The following SIRPA variants were observed in gnomAD, a reference collection of about 807,000 sequenced individuals.
The protein encoded by SIRPA is tyrosine-protein phosphatase non-receptor type substrate 1.
SIRPA carries 9 observed loss-of-function variants against 50.3 expected under a neutral mutation model. The ratio of observed to expected loss-of-function variants is 0.18; its 90% CI spans 0.11 to 0.31. The LOEUF is 0.31. Ranked by LOEUF, SIRPA falls within the 10% of genes least tolerant of loss-of-function variation. The pLI is 1.00. For synonymous variants in SIRPA, 265 were observed against 284.1 expected (o/e 0.93, Z 0.68); for missense variants, 474 against 661.6 (o/e 0.72, Z 3.11).
rs1022608355 is a variant in SIRPA at position 1,936,184 on chromosome 20, C to G, written c.1267-1136C>G. Among the ~76,000 whole-genome samples the G allele has an allele frequency of 6.6e-6, 1 of 152,080 alleles. No homozygotes were observed. The highest frequency in any genetic ancestry group is 1.5e-5 in the Non-Finnish European group (1 of 68,020). ...CGGTTGGTGGTAGCTTTATTCTGTT[C>G]TATCACGCAGGGGCCAGTCACAGAG... is the stretch of plus-strand genomic sequence containing the variant. On this transcript the variant is annotated intron_variant, in intron 7 of 7. Transcript: ENST00000358771. This position sits in a 1 kb window ranked among gnomAD's most constrained non-coding sequence, Gnocchi z 4.2.
Position 1,928,790 on chromosome 20 carries a change from C to A in SIRPA, c.1226+891C>A, listed in dbSNP as rs1412144245. Among the ~76,000 whole-genome samples, 1 of 152,128 alleles carries A rather than the reference C, an allele frequency of 6.6e-6. No homozygotes were observed. The highest frequency in any genetic ancestry group is 1.9e-4 in the East Asian group (1 of 5,172). On this transcript the variant is annotated intron_variant, in intron 6 of 7. Coordinates refer to ENST00000358771, the MANE Select transcript of SIRPA (RefSeq NM_001040023.2). This position sits in a 1 kb window ranked among gnomAD's most constrained non-coding sequence, Gnocchi z 4.9. ...GGGAAGGAGAGGAAGAAGATAAGGT[C>A]AGGAAGACCCAGGTCCTCGGCATCC...
Position 1,915,286 on chromosome 20 carries a change from G to C in SIRPA, c.267G>C (p.Arg89=), listed in dbSNP as rs761970927. The C allele has an allele frequency of 3.1e-6, 5 of 1,613,412 alleles. No homozygotes were observed. The highest frequency in any genetic ancestry group is 3.4e-6 in the Non-Finnish European group (4 of 1,179,824). The change falls in exon 2 of 8, where the codon CGG becomes CGC. Residue 89 remains arginine, a synonymous_variant. Transcript: ENST00000358771. ...IYNQKEGHFP[R]VTTVSDLTKR... ...ATCAAAAAGAAGGCCACTTCCCCCGGGTAACAACTGTTTCAGACCTCACAA... is the reference window on the plus strand; with the variant it reads ...ATCAAAAAGAAGGCCACTTCCCCCGCGTAACAACTGTTTCAGACCTCACAA...
chr20:1,929,869 A>G (rs890995803), intron 6 of SIRPA, among the ~76,000 whole-genome samples: 59 of 152,132 alleles, frequency 3.9e-4, no homozygotes, highest in African/African-American at 1.3e-3. Flanking sequence ...CCCTCCAGAT[A>G]AAGTCCAGAT....
At chr20:1,918,360 C>CCTTTTTTTTTTTTTTTTTT (rs745958149) in intron 2 of SIRPA, among the ~76,000 whole-genome samples, 1 of 95,698 alleles carries the variant, frequency 1.0e-5, no homozygotes, top group Non-Finnish European at 2.0e-5. Flanking sequence ...ACCACACCAG[C>CCTTTTTTTTTTTTTTTTTT]TTTTTTTTTT....
rs1023934858 is a variant in SIRPA, at chr20:1,924,142, A to G, written c.1088-622A>G. ...GTCCAGGGTCACACAGCTACTTAGTAGCATAGATTTGAAAGCACTTTTCTG... is the reference window on the plus strand; with the variant it reads ...GTCCAGGGTCACACAGCTACTTAGTGGCATAGATTTGAAAGCACTTTTCTG... On this transcript the variant is annotated intron_variant, in intron 4 of 7. Transcript: ENST00000358771. The surrounding 1 kb of genome is among the most constrained non-coding windows in gnomAD (Gnocchi z 4.5). Among the ~76,000 whole-genome samples, 39 of 152,330 alleles carry G rather than the reference A, an allele frequency of 2.6e-4. No homozygotes were observed. Among genetic ancestry groups the G allele is most frequent in the African/African-American group, 9.4e-4 (39 of 41,566 alleles).
intron 1 of SIRPA, among the ~76,000 whole-genome samples, chr20:1,902,669 T>C (rs111983633): frequency 5.3e-5 from 8 of 152,160 alleles, no homozygotes; most frequent in South Asian, 4.1e-4. Flanking sequence ...GGGAGAAGGT[T>C]AGTCAGGACA....
Position 1,922,346 on chromosome 20 carries a change from T to G in SIRPA, c.788T>G (p.Val263Gly), listed in dbSNP as rs1237129974. Residue 263 changes from valine (V) to glycine (G), a missense_variant, in exon 4 of 8, where the codon GTG (valine) becomes GGG (glycine). Val to Gly is a moderately radical substitution (Grantham distance 109). This residue lies in a region of SIRPA where 221 missense variants were observed against 359.9 expected (regional missense o/e 0.61). Coordinates refer to ENST00000358771, the MANE Select transcript of SIRPA (RefSeq NM_001040023.2). ...ACCTTGGAGGTTACTCAACAGCCCG[T>G]GAGGGCAGAGAACCAGGTGAATGTC... ...PPTLEVTQQP[V>G]RAENQVNVTC... 5 of 1,614,160 alleles carry G rather than the reference T, an allele frequency of 3.1e-6. No homozygotes were observed. The highest frequency in any genetic ancestry group is 3.4e-6 in the Non-Finnish European group (4 of 1,179,998).
chr20:1,939,580 T>C lies in SIRPA; in HGVS notation c.*2012T>C, dbSNP rs1012054362. 1.3e-5 allele frequency: 2 copies of C among 152,216 alleles called. No homozygotes were observed. The highest frequency in any genetic ancestry group is 4.8e-5 in the African/African-American group (2 of 41,444). The allele number at this position is 152,216 out of a possible 1,614,324, so 9.4% of individuals were successfully genotyped here. ...CACGCATGCACACACACATTCAGTATTTTAAAAGAATGTTTTCTTGGTGCC... is the reference window on the plus strand; with the variant it reads ...CACGCATGCACACACACATTCAGTACTTTAAAAGAATGTTTTCTTGGTGCC... On this transcript the variant is annotated 3_prime_UTR_variant, in exon 8 of 8. Coordinates refer to ENST00000358771, the MANE Select transcript of SIRPA (RefSeq NM_001040023.2). The surrounding 1 kb of genome is among the most constrained non-coding windows in gnomAD (Gnocchi z 4.7).
Position 1,928,956 on chromosome 20 carries a change from A to C in SIRPA, c.1226+1057A>C, listed in dbSNP as rs1038518728. 1.3e-5 allele frequency among the ~76,000 whole-genome samples: 2 copies of C among 152,182 alleles called. No individual in the cohort carries two copies. The highest frequency in any genetic ancestry group is 2.9e-5 in the Non-Finnish European group (2 of 68,026). Reference sequence around the variant, plus strand: ...ACACCATCATCTGCCATGTGAACCCATCTGCATAGAACCATGTGGACATCC... The same window carrying C: ...ACACCATCATCTGCCATGTGAACCCCTCTGCATAGAACCATGTGGACATCC... On this transcript the variant is annotated intron_variant, in intron 6 of 7. Transcript: ENST00000358771. The surrounding 1 kb of genome is among the most constrained non-coding windows in gnomAD (Gnocchi z 4.9).
chr20:1,909,782 CAAAA>C (rs1208172844), intron 1 of SIRPA, among the ~76,000 whole-genome samples: 1 of 151,010 alleles, frequency 6.6e-6, no homozygotes, highest in South Asian at 2.1e-4. Context: ...GACTTCGTCT[CAAAA>C]GAAAAAAAAA....
intron 1 of SIRPA, among the ~76,000 whole-genome samples, chr20:1,900,889 A>G (rs1984151668): frequency 6.6e-6 from 1 of 152,162 alleles, no homozygotes; most frequent in Non-Finnish European, 1.5e-5. Context: ...CCACCTGGCG[A>G]TGCACGTCGT....
intron 1 of SIRPA, among the ~76,000 whole-genome samples, chr20:1,912,970 C>T (rs919435137): frequency 1.3e-5 from 2 of 152,230 alleles, no homozygotes; most frequent in Non-Finnish European, 2.9e-5. Context: ...CCACCAGCCT[C>T]ACCCCTCTCA....
upstream of SIRPA, chr20:1,895,318 C>T (rs1220270304): frequency 1.9e-6 from 1 of 536,112 alleles, no homozygotes; most frequent in East Asian, 3.7e-5. Flanking sequence ...GGCGCCCGTT[C>T]CGGAGTCGGG....
In SIRPA at chr20:1,927,753, A is replaced by G. The variant is rs1986066868; in HGVS notation, c.1202-122A>G. ...GGCATGGGGGTCTCCTGTGGTTCCAAGGATGTGATTACAGCATTTCCTCTC... is the reference window on the plus strand; with the variant it reads ...GGCATGGGGGTCTCCTGTGGTTCCAGGGATGTGATTACAGCATTTCCTCTC... On this transcript the variant is annotated intron_variant, in intron 5 of 7. Transcript: ENST00000358771. This position sits in a 1 kb window ranked among gnomAD's most constrained non-coding sequence, Gnocchi z 6.5. 1 of 868,640 alleles carries G rather than the reference A, an allele frequency of 1.2e-6. No individual in the cohort carries two copies. The highest frequency in any genetic ancestry group is 2.0e-6 in the Non-Finnish European group (1 of 506,896). 53.8% of individuals were successfully genotyped at this position (868,640 alleles called of 1,614,324 possible).
At chr20:1,906,667 T>A (rs1275708440) in intron 1 of SIRPA, among the ~76,000 whole-genome samples, 1 of 152,058 alleles carries the variant, frequency 6.6e-6, no homozygotes, top group Non-Finnish European at 1.5e-5. Context: ...CAGTGGGGGC[T>A]GTGGGAGGGT....
chr20:1,916,744 C>T (rs4813329), intron 2 of SIRPA, among the ~76,000 whole-genome samples: 29 of 152,020 alleles, frequency 1.9e-4, no homozygotes, highest in Non-Finnish European at 4.4e-5. Flanking sequence ...GGATACGTAA[C>T]TTGTCCCCAA....
chr20:1,907,328 C>T (rs1984604291), intron 1 of SIRPA, among the ~76,000 whole-genome samples: 2 of 152,194 alleles, frequency 1.3e-5, no homozygotes, highest in Admixed American at 1.3e-4. Context: ...TGGGTGTATC[C>T]AGTGGTGCCG....
At chr20:1,905,155 G>A (rs978310299) in intron 1 of SIRPA, among the ~76,000 whole-genome samples, 3 of 152,218 alleles carry the variant, frequency 2.0e-5, no homozygotes, top group Admixed American at 6.5e-5. Context: ...CCGTCAGTCC[G>A]GAGACTGTCT....
chr20:1,895,507 C>G lies in SIRPA; in HGVS notation c.60C>G (p.Ala20=). Residue 20 remains alanine (A), a synonymous_variant, in exon 1 of 8, where the codon GCC becomes GCG. Coordinates refer to ENST00000358771, the MANE Select transcript of SIRPA (RefSeq NM_001040023.2). ...GGCCGCTGCTCTGCCTGCTGCTCGC[C>G]GCGTCCTGCGCCTGGTCAGGTAAGC... The part of the protein sequence containing the change: ...RLGPLLCLLL[A]ASCAWSGVAG... 6.8e-7 allele frequency: 1 copy of G among 1,460,666 alleles called. No individual in the cohort carries two copies. The highest frequency in any genetic ancestry group is 3.0e-5 in the East Asian group (1 of 33,454). 90.5% of individuals were successfully genotyped at this position (1,460,666 alleles called of 1,614,324 possible).
Sources: allele counts gnomAD v4.1 joint callset (sites outside exome capture counted in the v4.1 genomes callset), GRCh38; gene constraint gnomAD v4.1.1; regional missense constraint gnomAD v4.1.1; non-coding constraint Gnocchi (gnomAD v3.1); transcripts MANE v1.5; gene names NCBI Gene and HGNC (gene_info 2026-07-23, HGNC 2026-07-21).